Variants in MGAT5 observed in about 807,000 individuals in gnomAD.
The protein encoded by MGAT5 is alpha-1,6-mannosylglycoprotein 6-beta-N-acetylglucosaminyltransferase A.
Under a neutral mutation model 94.3 loss-of-function variants are expected in MGAT5, and 30 were observed. The ratio of observed to expected loss-of-function variants is 0.32; its 90% CI spans 0.24 to 0.43. The LOEUF is 0.43. Ranked by LOEUF, MGAT5 falls within the 20% of genes least tolerant of loss-of-function variation. The pLI is 1.00. For synonymous variants in MGAT5, 310 were observed against 322.9 expected (o/e 0.96, Z 0.43); for missense variants, 691 against 905.5 (o/e 0.76, Z 3.04).
intron 1 of MGAT5, among the ~76,000 whole-genome samples, chr2:134,196,856 A>G (rs1545380): frequency 0.23 from 35,691 of 152,158 alleles, 5,499 homozygotes; most frequent in African/African-American, 0.43. Flanking sequence ...GGCTGCCCCT[A>G]GTTTAAAGGC....
chr2:134,366,496 G>A (rs144972917), intron 10 of MGAT5, among the ~76,000 whole-genome samples: 126 of 152,240 alleles, frequency 8.3e-4, no homozygotes, highest in African/African-American at 2.5e-3. Context: ...CTTTGACCAC[G>A]TCAGGAGAAC....
intron 10 of MGAT5, among the ~76,000 whole-genome samples, chr2:134,365,601 G>A (rs192460808): frequency 6.6e-6 from 1 of 152,248 alleles, no homozygotes; most frequent in African/African-American, 2.4e-5. Context: ...CCTCCACAAG[G>A]AGAGGCACCA....
In MGAT5 at chr2:134,451,678, A is replaced by T. The variant is rs1488237898; in HGVS notation, c.*2831A>T. On this transcript the variant is annotated 3_prime_UTR_variant, in exon 16 of 16. Transcript: ENST00000281923. Reference sequence around the variant, plus strand: ...GTTATGATTAATGTTTTTCCCCGCTATAATATCTTGCCTGTTTTTTTGGAT... The same window carrying T: ...GTTATGATTAATGTTTTTCCCCGCTTTAATATCTTGCCTGTTTTTTTGGAT... 6.6e-6 allele frequency: 1 copy of T among 152,236 alleles called. No individual in the cohort carries two copies. The highest frequency in any genetic ancestry group is 1.5e-5 in the Non-Finnish European group (1 of 68,036). 9.4% of individuals were successfully genotyped at this position (152,236 alleles called of 1,614,324 possible). A position where few individuals can be genotyped will look rare whatever the true frequency, so the allele number is the denominator to read the frequency against.
At chr2:134,184,921 A>G (rs1167332073) in intron 1 of MGAT5, among the ~76,000 whole-genome samples, 2 of 152,086 alleles carry the variant, frequency 1.3e-5, no homozygotes, top group Non-Finnish European at 2.9e-5. Flanking sequence ...ATTTTATTTC[A>G]ATAGTTTGGG....
chr2:134,209,170 ATT>A (rs1282687888), intron 1 of MGAT5, among the ~76,000 whole-genome samples: 1 of 30,686 alleles, frequency 3.3e-5, no homozygotes, highest in African/African-American at 2.8e-4. Flanking sequence ...TTTTTTTTTT[ATT>A]TTTTTTTTTA....
At chr2:134,217,980 G>C (rs1411893715) in intron 1 of MGAT5, among the ~76,000 whole-genome samples, 1 of 152,230 alleles carries the variant, frequency 6.6e-6, no homozygotes, top group Non-Finnish European at 1.5e-5. Flanking sequence ...GGGAGAATAA[G>C]ACAGGTGATT....
intron 1 of MGAT5, among the ~76,000 whole-genome samples, chr2:134,173,670 C>T (rs1024053312): frequency 6.6e-6 from 1 of 152,206 alleles, no homozygotes; most frequent in African/African-American, 2.4e-5. Flanking sequence ...TTGGCGCTCT[C>T]AGGAATAACT....
chr2:134,275,388 G>T (rs1684296624), intron 2 of MGAT5, among the ~76,000 whole-genome samples: 1 of 152,086 alleles, frequency 6.6e-6, no homozygotes. Flanking sequence ...TGTTGGTATG[G>T]TTTTCACTTT....
intron 4 of MGAT5, among the ~76,000 whole-genome samples, chr2:134,328,000 T>C (rs1442365071): frequency 6.6e-6 from 1 of 152,158 alleles, no homozygotes; most frequent in African/African-American, 2.4e-5. Flanking sequence ...CAGTGGGAGC[T>C]GTGCCTAGTG....
At chr2:134,198,054 C>T (rs2105267371) in intron 1 of MGAT5, among the ~76,000 whole-genome samples, 1 of 152,284 alleles carries the variant, frequency 6.6e-6, no homozygotes, top group South Asian at 2.1e-4. Flanking sequence ...CAATAAGGAT[C>T]CAGTATATCC....
intron 1 of MGAT5, among the ~76,000 whole-genome samples, chr2:134,186,284 G>A (rs1234528828): frequency 6.6e-6 from 1 of 152,192 alleles, no homozygotes. Context: ...CTAGTGATGG[G>A]GGAGATTTTG....
chr2:134,392,787 T>C (rs1263366261), intron 10 of MGAT5, among the ~76,000 whole-genome samples: 1 of 152,210 alleles, frequency 6.6e-6, no homozygotes, highest in Non-Finnish European at 1.5e-5. Context: ...AACTAGAGCT[T>C]AAAATTAGAA....
At chr2:134,215,321 T>C (rs993263992) in intron 1 of MGAT5, among the ~76,000 whole-genome samples, 4 of 152,242 alleles carry the variant, frequency 2.6e-5, no homozygotes, top group African/African-American at 9.6e-5. Flanking sequence ...GGTGTTGCTA[T>C]AATACAACAC....
At chr2:134,419,324 T>G (rs1684149690) in intron 12 of MGAT5, among the ~76,000 whole-genome samples, 1 of 152,172 alleles carries the variant, frequency 6.6e-6, no homozygotes, top group Admixed American at 6.5e-5. Context: ...TGTGGCTGGT[T>G]CAGGTTATGT....
At chr2:134,424,031 A>T (rs554547083) in intron 13 of MGAT5, among the ~76,000 whole-genome samples, 2 of 152,338 alleles carry the variant, frequency 1.3e-5, no homozygotes, top group South Asian at 2.1e-4. Flanking sequence ...TCAGTGCCAA[A>T]GCAACATGCA....
At chr2:134,395,558 C>T (rs1327767858) in intron 10 of MGAT5, among the ~76,000 whole-genome samples, 3 of 152,186 alleles carry the variant, frequency 2.0e-5, no homozygotes, top group African/African-American at 7.2e-5. Context: ...AGCAAGGGTA[C>T]ATACTTAAAC....
intron 1 of MGAT5, among the ~76,000 whole-genome samples, chr2:134,128,267 AAG>A (rs141839867): frequency 0.014 from 2,129 of 151,970 alleles, 55 homozygotes; most frequent in African/African-American, 0.046. Context: ...AAAGAAAAGA[AAG>A]AGAGAGAGAG....
chr2:134,202,667 G>C (rs1679847006), intron 1 of MGAT5, among the ~76,000 whole-genome samples: 1 of 152,232 alleles, frequency 6.6e-6, no homozygotes, highest in African/African-American at 2.4e-5. Flanking sequence ...TGTCCTTAGG[G>C]ACTTGTGAGA....
intron 1 of MGAT5, among the ~76,000 whole-genome samples, chr2:134,263,370 A>G (rs1350284633): frequency 6.6e-6 from 1 of 152,244 alleles, no homozygotes; most frequent in Non-Finnish European, 1.5e-5. Flanking sequence ...CCTCAATAGT[A>G]ATGACACCCT....
Sources: gnomAD v4.1 joint callset for allele counts (sites outside exome capture counted in the v4.1 genomes callset) on GRCh38, gnomAD v4.1.1 for gene constraint, MANE v1.5 for transcripts, NCBI Gene and HGNC (gene_info 2026-07-23, HGNC 2026-07-21) for gene names.